The following DHRS1 variants were observed in gnomAD, a reference collection of about 807,000 sequenced individuals.
DHRS1 encodes dehydrogenase/reductase SDR family member 1.
DHRS1 carries 34 observed loss-of-function variants against 35.2 expected under a neutral mutation model. The ratio of observed to expected loss-of-function variants is 0.97; its 90% confidence interval spans 0.74 to 1.29. The LOEUF (loss-of-function observed/expected upper bound fraction) is 1.29, where lower values mean the gene tolerates loss of function less well. Among genes scored for constraint, DHRS1 ranks in the 50% most tolerant of loss-of-function variants. DHRS1 has a pLI of 0.00. For missense variants in DHRS1, 354 were observed against 403.6 expected (o/e 0.88, Z 1.05); for synonymous variants, 133 against 160.0 (o/e 0.83, Z 1.27).
chr14:24,297,369 T>C (rs983743831), intron 2 of DHRS1, among the ~76,000 whole-genome samples: 1 of 152,232 alleles, frequency 6.6e-6, no homozygotes. Flanking sequence ...CTATCAGCCA[T>C]GAATGATTTC....
intron 3 of DHRS1, 59 bp from the exon 4 acceptor site, chr14:24,296,647 G>C: frequency 6.2e-7 from 1 of 1,613,404 alleles, no homozygotes; most frequent in South Asian, 1.1e-5. Context: ...GAGGGGCTGG[G>C]TAATGGAAGG....
chr14:24,292,404 C>A (rs2041175350), intron 5 of DHRS1, 74 bp from the exon 6 acceptor site: 4 of 1,587,706 alleles, frequency 2.5e-6, no homozygotes, highest in Non-Finnish European at 3.4e-6. Context: ...TCTGCTTCTA[C>A]TGTGAATGCT....
chr14:24,292,050 A>G (rs1410255161), intron 6 of DHRS1, 134 bp downstream of exon 6: 2 of 1,123,660 alleles, frequency 1.8e-6, no homozygotes, highest in Non-Finnish European at 2.6e-6. Flanking sequence ...ATTAAAGGAA[A>G]TAATGTGTGT....
In DHRS1 at chr14:24,296,894, A is replaced by G. The variant is rs1225944204; in HGVS notation, c.151-13T>C. ...CGAGGGATTGTGCCTGGAGTAGGAC[A>G]GGGGATATGAGCTCACATTCACACA... On this transcript the variant is annotated splice_polypyrimidine_tract_variant and intron_variant, in intron 2 of 8. Transcript: ENST00000288111. 2.2e-5 allele frequency: 36 copies of G among 1,612,282 alleles called. No individual in the cohort carries two copies. The highest frequency in any genetic ancestry group is 2.9e-5 in the Non-Finnish European group (34 of 1,179,994).
rs745599685 is a variant in DHRS1, at chr14:24,290,971, G to C, written c.830C>G (p.Ser277Cys). 9 of 1,614,122 alleles carry C rather than the reference G, an allele frequency of 5.6e-6. No homozygotes were observed. Among genetic ancestry groups the C allele is most frequent in the Non-Finnish European group, 7.6e-6 (9 of 1,180,030 alleles). Residue 277 changes from serine to cysteine, a missense_variant, in exon 9 of 9, where the codon TCT becomes TGT. Physicochemically the swap from Ser to Cys is moderately radical, Grantham distance 112. Coordinates refer to ENST00000288111, the MANE Select transcript of DHRS1 (RefSeq NM_001136050.3). ...CACGTGTGAGAGAACAGAGCTCAAA[G>C]ACAAATAGTCTTGGACGGGGCGGCC... ...VDGRPVQDYL[S>C]LSSVLSHVSG...
At chr14:24,295,372 G>C (rs1052938203) in intron 4 of DHRS1, among the ~76,000 whole-genome samples, 1 of 152,238 alleles carries the variant, frequency 6.6e-6, no homozygotes, top group Middle Eastern at 3.4e-3. Flanking sequence ...TTTTGCATAG[G>C]GAAAGAATTA....
chr14:24,298,814 G>T, intron 2 of DHRS1, 143 bp downstream of exon 2: 2 of 1,072,848 alleles, frequency 1.9e-6, no homozygotes, highest in African/African-American at 1.6e-5. Flanking sequence ...TATTTACGGG[G>T]TTTTTAATTT....
Position 24,299,688 on chromosome 14 carries a change from T to C in DHRS1, c.-132A>G, listed in dbSNP as rs112369293. On this transcript the variant is annotated 5_prime_UTR_variant, in exon 1 of 9. Coordinates refer to ENST00000288111, the MANE Select transcript of DHRS1 (RefSeq NM_001136050.3). The stretch of plus-strand genomic sequence containing the variant: ...CGTGGAGGCAGTGTTCAAGGATTGA[T>C]TCTGTAGTAGGACCCGGGGCGATTC... 68 of 425,030 alleles carry C rather than the reference T, an allele frequency of 1.6e-4. No homozygotes were observed. The highest frequency in any genetic ancestry group is 2.3e-4 in the Non-Finnish European group (56 of 238,556). The allele number at this position is 425,030 out of a possible 1,614,324, so 26.3% of individuals were successfully genotyped here.
chr14:24,294,197 C>A (rs1368905168), intron 4 of DHRS1: 1 of 152,116 alleles, frequency 6.6e-6, no homozygotes, highest in Non-Finnish European at 1.5e-5. Flanking sequence ...CACACCAAGA[C>A]AGAAACTATA....
intron 4 of DHRS1, chr14:24,294,225 A>G (rs1001489980): frequency 2.0e-5 from 3 of 152,234 alleles, no homozygotes; most frequent in Admixed American, 6.5e-5. Context: ...GACAGATTTG[A>G]CGTAAAATTA....
intron 4 of DHRS1, chr14:24,293,087 T>C (rs2041190960): frequency 8.8e-6 from 3 of 339,446 alleles, no homozygotes; most frequent in Non-Finnish European, 5.3e-6. Context: ...AAATGTATAG[T>C]GTCTACATAG....
At position 24,291,243 on chromosome 14, in the gene DHRS1, G is replaced by A. The variant is rs137938287; in HGVS notation, c.725-24C>T. The A allele has an allele frequency of 5.0e-6, 8 of 1,612,282 alleles. No homozygotes were observed. In the African/African-American group the frequency reaches 6.7e-5, roughly 13 times the overall value. ...ATCTGCGGGCACACAGACAGGTGGA[G>A]ATGGCAGGCAGGGGAGTATGCAGAG... On this transcript the variant is annotated intron_variant, in intron 7 of 8. Transcript: ENST00000288111.
chr14:24,298,186 C>T (rs2139105377), intron 2 of DHRS1, among the ~76,000 whole-genome samples: 1 of 152,270 alleles, frequency 6.6e-6, no homozygotes, highest in South Asian at 2.1e-4. Flanking sequence ...GATGGTACTA[C>T]AGGTGCAGGC....
intron 4 of DHRS1, 69 bp from the exon 5 acceptor site, chr14:24,292,853 C>A (rs139849609): frequency 5.9e-6 from 9 of 1,532,570 alleles, no homozygotes; most frequent in Admixed American, 2.3e-5. Context: ...CAGCCTCTGG[C>A]GGCTTCCCCT....
Position 24,292,653 on chromosome 14 carries a change from G to A in DHRS1, c.506C>T (p.Ala169Val), listed in dbSNP as rs988877986. 13 of 1,614,062 alleles carry A rather than the reference G, an allele frequency of 8.1e-6. No homozygotes were observed. Among genetic ancestry groups the A allele is most frequent in the Admixed American group, 3.3e-5 (2 of 60,006 alleles). Residue 169 changes from alanine (A) to valine (V), a missense_variant and splice_region_variant, in exon 5 of 9, where the codon GCG becomes GTG. By Grantham distance (64) the Ala-to-Val change is moderately conservative. Transcript: ENST00000288111. ...GCTCCTATGCCACTGGGTCCTCACC[G>A]CAGCTTTGCCCACACCATAGGGGAC... ...FNVPYGVGKA[A>V]CDKLAADCAH...
At chr14:24,295,970 C>T (rs933246448) in intron 4 of DHRS1, among the ~76,000 whole-genome samples, 36 of 152,138 alleles carry the variant, frequency 2.4e-4, no homozygotes, top group Admixed American at 1.3e-4. Flanking sequence ...GTGCATTATG[C>T]TAGGCGAATT....
chr14:24,290,904 G>A lies in DHRS1; in HGVS notation c.897C>T (p.Leu299=). The change falls in exon 9 of 9, where the codon CTC becomes CTT. Residue 299 remains leucine, a synonymous_variant. Transcript: ENST00000288111. The part of the protein sequence containing the change: ...GWLASYLPSF[L]RVPKWIIALY... ...GGGCAATAATCCACTTGGGCACACG[G>A]AGGAAGGAGGGCAGGTAGGAGGCCA... 1 of 1,614,030 alleles carries A rather than the reference G, an allele frequency of 6.2e-7. No homozygotes were observed. The highest frequency in any genetic ancestry group is 1.1e-5 in the South Asian group (1 of 91,072).
chr14:24,295,174 T>C (rs1245974131), intron 4 of DHRS1, among the ~76,000 whole-genome samples: 1 of 152,106 alleles, frequency 6.6e-6, no homozygotes, highest in East Asian at 1.9e-4. Context: ...CGTACAAGTA[T>C]TAAAAAGAAT....
At chr14:24,296,919 A>G (rs769201471) in intron 2 of DHRS1, 38 bp from the exon 3 acceptor site, 4 of 1,612,812 alleles carry the variant, frequency 2.5e-6, no homozygotes, top group Non-Finnish European at 3.4e-6. Context: ...ACATTCACAC[A>G]TGGGTGTGAG....
Sources: gnomAD v4.1 joint callset for allele counts (sites outside exome capture counted in the v4.1 genomes callset) on GRCh38, gnomAD v4.1.1 for gene constraint, MANE v1.5 for transcripts, NCBI Gene and HGNC (gene_info 2026-07-23, HGNC 2026-07-21) for gene names.